Variants in RERE observed in about 807,000 individuals in gnomAD.
The protein encoded by RERE is arginine-glutamic acid dipeptide repeats.
In RERE, 40 loss-of-function variants were observed where a neutral mutation model predicts 146.1. The observed-to-expected ratio is 0.27, with a 90% CI of 0.21 to 0.36. The LOEUF is 0.36. Ranked by LOEUF, RERE falls within the 10% of genes least tolerant of loss-of-function variation. RERE has a pLI of 1.00. For missense variants in RERE, 1,933 were observed against 2,138.7 expected (o/e 0.90, Z 1.90); for synonymous variants, 1,003 against 866.0 (o/e 1.16, Z -2.78).
chr1:8,528,408 A>AT (rs1280546188), intron 7 of RERE, among the ~76,000 whole-genome samples: 2 of 146,648 alleles, frequency 1.4e-5, no homozygotes, highest in Non-Finnish European at 3.1e-5. Flanking sequence ...GGACTATATC[A>AT]TATTGTATTA....
chr1:8,677,632 T>C (rs1164868653), intron 1 of RERE, among the ~76,000 whole-genome samples: 1 of 152,114 alleles, frequency 6.6e-6, no homozygotes, highest in Non-Finnish European at 1.5e-5. Context: ...CACCCTTCTC[T>C]GTAGGGCTCC....
At chr1:8,669,370 A>G (rs1426433412) in intron 1 of RERE, among the ~76,000 whole-genome samples, 1 of 152,172 alleles carries the variant, frequency 6.6e-6, no homozygotes, top group Non-Finnish European at 1.5e-5. Flanking sequence ...AAATGCTGGG[A>G]TTACAGGCAT....
chr1:8,392,709 C>G (rs748676585), intron 12 of RERE, among the ~76,000 whole-genome samples: 2 of 152,142 alleles, frequency 1.3e-5, no homozygotes, highest in African/African-American at 4.8e-5. Flanking sequence ...GCATCTGTTA[C>G]GCCAGCACAC....
chr1:8,489,773 G>A (rs1251741837), intron 10 of RERE, among the ~76,000 whole-genome samples: 1 of 152,080 alleles, frequency 6.6e-6, no homozygotes, highest in Non-Finnish European at 1.5e-5. Flanking sequence ...CCTGTAGGCC[G>A]GGCGCAGTGG....
At chr1:8,443,070 G>A (rs1032760439) in intron 11 of RERE, among the ~76,000 whole-genome samples, 2 of 152,220 alleles carry the variant, frequency 1.3e-5, no homozygotes, top group African/African-American at 4.8e-5. Context: ...TAACTCAAAT[G>A]TGGGGACAAA....
chr1:8,757,911 T>C lies in RERE; in HGVS notation c.-145+59249A>G, dbSNP rs12094706. Among the ~76,000 whole-genome samples, 171 of 30,072 alleles carry C rather than the reference T, an allele frequency of 5.7e-3. 1 individual carries two copies. Among genetic ancestry groups the C allele is most frequent in the Middle Eastern group, 0.014 (1 of 74 alleles). The allele number at this position is 30,072 out of a possible 152,430, so 19.7% of individuals were successfully genotyped here. On this transcript the variant is annotated intron_variant, in intron 1 of 22. Transcript: ENST00000400908. ...ATGTATACACACACACACACATACATACACACACACACACACACATATATA... is the reference window on the plus strand; with the variant it reads ...ATGTATACACACACACACACATACACACACACACACACACACACATATATA...
At position 8,360,466 on chromosome 1, in the gene RERE, G is replaced by A; in HGVS notation, c.3041C>T (p.Pro1014Leu). Residue 1014 changes from proline (P) to leucine (L), a missense_variant, in exon 18 of 23, where the codon CCC becomes CTC. Pro to Leu is a moderately conservative substitution (Grantham distance 98). This residue lies in a region of RERE where 1,255 missense variants were observed against 1,153.8 expected (regional missense o/e 1.09). Transcript: ENST00000400908. Reference protein sequence around the residue: ...PPGLTQSQNLPPPPASHPPTG... With the variant: ...PPGLTQSQNLLPPPASHPPTG... ...AGGGGGGTGGGAGGCAGGGGGCGGG[G>A]GCAGGTTCTGGCTCTGGGTCAGCCC... 9.7e-7 allele frequency: 1 copy of A among 1,030,990 alleles called. No individual in the cohort carries two copies. Among genetic ancestry groups the A allele is most frequent in the Non-Finnish European group, 1.3e-6 (1 of 751,240 alleles). The allele number at this position is 1,030,990 out of a possible 1,614,324, so 63.9% of individuals were successfully genotyped here.
intron 2 of RERE, among the ~76,000 whole-genome samples, chr1:8,651,407 GT>G (rs201905328): frequency 1.2e-4 from 18 of 151,328 alleles, no homozygotes; most frequent in African/African-American, 4.1e-4. Context: ...GAGACTCTCT[GT>G]TTTTTTTTAA....
rs1052664473 is a variant in RERE, at chr1:8,360,462, C to T, written c.3045G>A (p.Pro1015=). The T allele has an allele frequency of 7.4e-5, 8 of 107,394 alleles. No individual in the cohort carries two copies. The highest frequency in any genetic ancestry group is 2.1e-4 in the South Asian group (2 of 9,622). The allele number at this position is 107,394 out of a possible 1,614,324, so 6.7% of individuals were successfully genotyped here. Residue 1015 remains proline (P), a synonymous_variant, in exon 18 of 23, where the codon CCG becomes CCA. Transcript: ENST00000400908. ...CTGTAGGGGGGTGGGAGGCAGGGGG[C>T]GGGGGCAGGTTCTGGCTCTGGGTCA... ...PGLTQSQNLP[P]PPASHPPTGL... is the part of the protein sequence containing the mutation.
At chr1:8,768,511 G>A (rs1358739294) in intron 1 of RERE, among the ~76,000 whole-genome samples, 1 of 152,126 alleles carries the variant, frequency 6.6e-6, no homozygotes, top group Non-Finnish European at 1.5e-5. Context: ...AGCACCCACT[G>A]GTCACATGTA....
intron 11 of RERE, among the ~76,000 whole-genome samples, chr1:8,433,262 C>G (rs977823504): frequency 6.6e-6 from 1 of 152,130 alleles, no homozygotes; most frequent in Non-Finnish European, 1.5e-5. Context: ...ATGGAACAGT[C>G]GTAAAGCAGG....
chr1:8,368,424 A>T (rs1641904124), intron 12 of RERE, among the ~76,000 whole-genome samples: 1 of 151,042 alleles, frequency 6.6e-6, no homozygotes, highest in South Asian at 2.1e-4. Flanking sequence ...CAGTGAGCCG[A>T]GATCGTGCCA....
At chr1:8,599,073 G>T (rs573980697) in intron 4 of RERE, among the ~76,000 whole-genome samples, 4 of 152,270 alleles carry the variant, frequency 2.6e-5, no homozygotes, top group African/African-American at 7.2e-5. Flanking sequence ...CCAGCCTGGC[G>T]GACAGCGGGG....
intron 1 of RERE, among the ~76,000 whole-genome samples, chr1:8,677,636 G>A (rs558725068): frequency 1.4e-4 from 22 of 152,034 alleles, no homozygotes; most frequent in African/African-American, 5.3e-4. Flanking sequence ...CTTCTCTGTA[G>A]GGCTCCACTG....
intron 12 of RERE, chr1:8,381,086 C>G (rs1213416024): frequency 2.2e-6 from 1 of 451,354 alleles, no homozygotes; most frequent in African/African-American, 2.0e-5. Context: ...GTGCTGTCAT[C>G]CACACCACCT....
At chr1:8,485,717 A>G (rs747225136) in intron 10 of RERE, among the ~76,000 whole-genome samples, 3 of 152,052 alleles carry the variant, frequency 2.0e-5, no homozygotes, top group Non-Finnish European at 2.9e-5. Context: ...TTAAGTGTTC[A>G]TGTGTCTAAT....
chr1:8,435,322 C>G (rs1251162308), intron 11 of RERE, among the ~76,000 whole-genome samples: 6 of 152,184 alleles, frequency 3.9e-5, no homozygotes, highest in Admixed American at 1.3e-4. Flanking sequence ...TCCCCAGCAC[C>G]TAGAACAGCA....
chr1:8,492,259 GC>G (rs1644988826), intron 10 of RERE, among the ~76,000 whole-genome samples: 1 of 152,116 alleles, frequency 6.6e-6, no homozygotes. Context: ...AGAACCATGG[GC>G]AAAAGTAGCC....
chr1:8,725,337 G>C (rs985253284), intron 1 of RERE, among the ~76,000 whole-genome samples: 3 of 152,194 alleles, frequency 2.0e-5, no homozygotes, highest in Non-Finnish European at 2.9e-5. Context: ...AGGCCAAGGT[G>C]GGCGGATCTC....
Sources: gnomAD v4.1 joint callset for allele counts (sites outside exome capture counted in the v4.1 genomes callset) on GRCh38, gnomAD v4.1.1 for gene constraint, gnomAD v4.1.1 regional missense constraint, MANE v1.5 for transcripts, NCBI Gene and HGNC (gene_info 2026-07-23, HGNC 2026-07-21) for gene names.